The following ANO2 variants were observed in gnomAD, a reference collection of about 807,000 sequenced individuals.
The protein encoded by ANO2 is anoctamin 2, also known as anoctamin-2.
In ANO2, 101 loss-of-function variants were observed where a neutral mutation model predicts 124.2. That is an observed-to-expected ratio of 0.81 (90% confidence interval 0.69 to 0.96). The LOEUF is 0.96. ANO2 is among the 40% of genes least tolerant of loss of function. ANO2 has a pLI of 0.00. For synonymous variants in ANO2, 486 were observed against 482.5 expected (o/e 1.01, Z -0.09); for missense variants, 1,293 against 1,274.5 (o/e 1.01, Z -0.22).
At chr12:5,907,222 T>A (rs751218437) in intron 3 of ANO2, among the ~76,000 whole-genome samples, 1 of 152,250 alleles carries the variant, frequency 6.6e-6, no homozygotes, top group Non-Finnish European at 1.5e-5. Flanking sequence ...ATTGTCTATC[T>A]GTTGGCCAGT....
intron 13 of ANO2, among the ~76,000 whole-genome samples, chr12:5,737,022 T>G (rs998061420): frequency 7.2e-5 from 11 of 152,220 alleles, no homozygotes; most frequent in Non-Finnish European, 1.3e-4. Context: ...ATGCAGCCCT[T>G]TGGAGATCAG....
intron 19 of ANO2, among the ~76,000 whole-genome samples, chr12:5,611,687 GA>G (rs941561471): frequency 6.6e-6 from 1 of 152,152 alleles, no homozygotes; most frequent in African/African-American, 2.4e-5. Flanking sequence ...AATATATTTG[GA>G]AAGAAAGTGA....
At chr12:5,873,058 C>G (rs143063610) in intron 3 of ANO2, among the ~76,000 whole-genome samples, 2 of 152,312 alleles carry the variant, frequency 1.3e-5, no homozygotes, top group African/African-American at 4.8e-5. Context: ...CTAGATAGCA[C>G]TCCATCCTTA....
At chr12:5,573,583 C>T (rs1942244985) in intron 23 of ANO2, among the ~76,000 whole-genome samples, 1 of 152,090 alleles carries the variant, frequency 6.6e-6, no homozygotes. Flanking sequence ...AGTCCAGCAC[C>T]ATGGACAGAC....
chr12:5,848,989 G>A (rs1054626927), intron 4 of ANO2, among the ~76,000 whole-genome samples: 5 of 152,174 alleles, frequency 3.3e-5, no homozygotes, highest in African/African-American at 1.2e-4. Flanking sequence ...CCTCCACAAT[G>A]TGTATTACTC....
chr12:5,695,078 G>A (rs1949113266), intron 14 of ANO2, among the ~76,000 whole-genome samples: 1 of 152,102 alleles, frequency 6.6e-6, no homozygotes, highest in Non-Finnish European at 1.5e-5. Flanking sequence ...GCTGGCTGTG[G>A]ACAACTTTCA....
intron 14 of ANO2, among the ~76,000 whole-genome samples, chr12:5,656,206 C>T (rs1459961659): frequency 2.6e-5 from 4 of 152,136 alleles, no homozygotes; most frequent in African/African-American, 9.7e-5. Flanking sequence ...TAAAAGTGAC[C>T]ACCCACCTGT....
intron 3 of ANO2, among the ~76,000 whole-genome samples, chr12:5,893,614 A>G (rs1238959647): frequency 6.6e-6 from 1 of 151,600 alleles, no homozygotes; most frequent in Non-Finnish European, 1.5e-5. Flanking sequence ...TACATTAGGT[A>G]TTTCGCCTAA....
At chr12:5,871,115 T>C (rs1248549055) in intron 3 of ANO2, among the ~76,000 whole-genome samples, 3 of 152,198 alleles carry the variant, frequency 2.0e-5, no homozygotes, top group Non-Finnish European at 4.4e-5. Context: ...TTAGCCTGGA[T>C]GCCGACTCAC....
intron 4 of ANO2, among the ~76,000 whole-genome samples, chr12:5,845,241 G>A (rs1404525826): frequency 6.6e-6 from 1 of 151,632 alleles, no homozygotes; most frequent in Non-Finnish European, 1.5e-5. Context: ...CTCCAGCCTG[G>A]GCAAGACTTT....
chr12:5,738,738 A>G (rs1950975378), intron 13 of ANO2, among the ~76,000 whole-genome samples: 2 of 152,138 alleles, frequency 1.3e-5, no homozygotes, highest in African/African-American at 4.8e-5. Context: ...GAAGAGCTAT[A>G]AGGGAAGGCT....
At chr12:5,650,564 T>C (rs577510661) in intron 14 of ANO2, among the ~76,000 whole-genome samples, 4 of 152,352 alleles carry the variant, frequency 2.6e-5, no homozygotes, top group East Asian at 1.9e-4. Flanking sequence ...GTGAGTAAAG[T>C]AGTCTTTACT....
intron 20 of ANO2, among the ~76,000 whole-genome samples, chr12:5,594,262 C>T (rs897491994): frequency 6.6e-6 from 1 of 152,170 alleles, no homozygotes; most frequent in South Asian, 2.1e-4. Context: ...TTGCTCCTCC[C>T]TCCAGGTGCT....
intron 14 of ANO2, among the ~76,000 whole-genome samples, chr12:5,664,299 C>G (rs1331113865): frequency 6.6e-6 from 1 of 152,122 alleles, no homozygotes; most frequent in Non-Finnish European, 1.5e-5. Flanking sequence ...ATCCATCATT[C>G]TACCCATCTA....
At chr12:5,624,471 C>T (rs1945296094) in intron 16 of ANO2, among the ~76,000 whole-genome samples, 1 of 152,098 alleles carries the variant, frequency 6.6e-6, no homozygotes, top group Non-Finnish European at 1.5e-5. Flanking sequence ...CAGACACCCC[C>T]AACACCCCTG....
chr12:5,770,219 C>A (rs1247187007), intron 10 of ANO2, among the ~76,000 whole-genome samples: 2 of 151,534 alleles, frequency 1.3e-5, no homozygotes, highest in Middle Eastern at 3.4e-3. Flanking sequence ...AGCCAAGAAA[C>A]CCCATTTGCC....
chr12:5,786,079 G>A (rs1952531928), intron 10 of ANO2, among the ~76,000 whole-genome samples: 1 of 151,836 alleles, frequency 6.6e-6, no homozygotes, highest in South Asian at 2.1e-4. Context: ...AGGGGACAGG[G>A]GGCGGTGCCC....
upstream of ANO2, chr12:5,945,308 G>T (rs978912593): frequency 3.2e-5 from 34 of 1,075,924 alleles, no homozygotes; most frequent in Non-Finnish European, 3.1e-5. Flanking sequence ...GCTCAGCTCC[G>T]TCCCGGCGCG....
intron 3 of ANO2, among the ~76,000 whole-genome samples, chr12:5,919,397 TA>T (rs1941566743): frequency 9.7e-6 from 1 of 103,342 alleles, no homozygotes; most frequent in African/African-American, 3.3e-5. Context: ...GAAAGGGCAA[TA>T]GCACAAAGAC....
Sources: allele counts gnomAD v4.1 joint callset (sites outside exome capture counted in the v4.1 genomes callset), GRCh38; gene constraint gnomAD v4.1.1; transcripts MANE v1.5; gene names NCBI Gene and HGNC (gene_info 2026-07-23, HGNC 2026-07-21).